KAZN: variants seen among roughly 807,000 people sequenced by gnomAD.
KAZN encodes kazrin.
KAZN carries 40 observed loss-of-function variants against 87.4 expected under a neutral mutation model. That is an observed-to-expected ratio of 0.46 (90% CI 0.36 to 0.60). KAZN has a LOEUF of 0.60. KAZN is among the 20% of genes least tolerant of loss of function. The probability of loss-of-function intolerance (pLI) is 0.00; values close to 1 mark genes in which losing one functional copy is unlikely to be tolerated. For missense variants in KAZN, 898 were observed against 1,073.9 expected (o/e 0.84, Z 2.29); for synonymous variants, 466 against 458.3 (o/e 1.02, Z -0.22).
chr1:14,942,988 G>C (rs559466091), intron 1 of KAZN, among the ~76,000 whole-genome samples: 2 of 145,214 alleles, frequency 1.4e-5, no homozygotes, highest in Non-Finnish European at 3.0e-5. Flanking sequence ...CTGGATGTGA[G>C]CTGCGTGTGT....
chr1:14,616,548 G>A (rs1399533861), intron 1 of KAZN, among the ~76,000 whole-genome samples: 1 of 151,978 alleles, frequency 6.6e-6, no homozygotes, highest in Admixed American at 6.6e-5. Flanking sequence ...TCCAAGCAAT[G>A]TAAATAAAGG....
intron 2 of KAZN, among the ~76,000 whole-genome samples, chr1:14,419,681 T>G (rs1665208991): frequency 6.6e-6 from 1 of 152,160 alleles, no homozygotes; most frequent in South Asian, 2.1e-4. Flanking sequence ...TTCTGGTGGG[T>G]TTGTGATCTC....
At chr1:14,990,067 G>A (rs1235256601) in intron 2 of KAZN, among the ~76,000 whole-genome samples, 1 of 152,140 alleles carries the variant, frequency 6.6e-6, no homozygotes, top group Non-Finnish European at 1.5e-5. Flanking sequence ...TCAGTAACCT[G>A]CTCAAAGCCA....
At chr1:14,041,462 A>C (rs1188375327) in intron 1 of KAZN, among the ~76,000 whole-genome samples, 2 of 152,142 alleles carry the variant, frequency 1.3e-5, no homozygotes, top group African/African-American at 4.8e-5. Context: ...TGTATTCTCC[A>C]ATAGCTGTAT....
intron 1 of KAZN, among the ~76,000 whole-genome samples, chr1:14,868,939 G>T (rs1176929895): frequency 6.6e-6 from 1 of 152,168 alleles, no homozygotes; most frequent in African/African-American, 2.4e-5. Flanking sequence ...GGGTGCATCT[G>T]TTCTACTCGG....
At chr1:14,805,052 T>C (rs1481749679) in intron 1 of KAZN, among the ~76,000 whole-genome samples, 1 of 152,186 alleles carries the variant, frequency 6.6e-6, no homozygotes, top group Non-Finnish European at 1.5e-5. Context: ...CTCTGTAACA[T>C]GGGGAGAAAA....
chr1:14,424,326 C>G (rs549156465), intron 2 of KAZN, among the ~76,000 whole-genome samples: 1 of 152,308 alleles, frequency 6.6e-6, no homozygotes, highest in South Asian at 2.1e-4. Flanking sequence ...CTCAGATGAG[C>G]ACAGATGAGA....
At chr1:14,514,595 TTATATATATATATATATATATATATA>T (rs754845099) in intron 2 of KAZN, among the ~76,000 whole-genome samples, 4,432 of 66,238 alleles carry the variant, frequency 0.067, 302 homozygotes, top group East Asian at 0.13. Context: ...TTTTTATATT[TTATATATATATATATATATATATATA>T]TATATATATA....
At chr1:14,327,237 G>A (rs1165584581) in intron 2 of KAZN, among the ~76,000 whole-genome samples, 16 of 152,018 alleles carry the variant, frequency 1.1e-4, no homozygotes, top group Admixed American at 8.5e-4. Flanking sequence ...CAATGTCACC[G>A]TCACTGACTT....
chr1:14,357,250 T>A (rs554762920), intron 2 of KAZN, among the ~76,000 whole-genome samples: 1 of 152,266 alleles, frequency 6.6e-6, no homozygotes, highest in East Asian at 1.9e-4. Context: ...TAGGAATGCT[T>A]GTGATTTTTG....
intron 1 of KAZN, among the ~76,000 whole-genome samples, chr1:14,787,000 A>G (rs1398429925): frequency 6.6e-6 from 1 of 152,198 alleles, no homozygotes; most frequent in Non-Finnish European, 1.5e-5. Flanking sequence ...CCAACTCTTG[A>G]CACCAAACAT....
rs1162000006 is a variant in KAZN, at chr1:15,099,172, T to C, written c.1548-2371T>C. 6.6e-6 allele frequency among the ~76,000 whole-genome samples: 1 copy of C among 152,132 alleles called. No homozygotes were observed. The highest frequency in any genetic ancestry group is 1.5e-5 in the Non-Finnish European group (1 of 68,026). ...GGGTCCCAGTGGACCCAAGTGGTTC[T>C]GGGAGGCTGATGGGCAGAGGGAAGG... is the stretch of plus-strand genomic sequence containing the variant. On this transcript the variant is annotated intron_variant, in intron 10 of 14. Transcript: ENST00000376030. This position sits in a 1 kb window ranked among gnomAD's most constrained non-coding sequence, Gnocchi z 5.4.
chr1:14,020,334 T>G (rs960405447), intron 1 of KAZN, among the ~76,000 whole-genome samples: 1 of 152,182 alleles, frequency 6.6e-6, no homozygotes, highest in African/African-American at 2.4e-5. Context: ...TATAGGACAC[T>G]AATCAGCTTG....
intron 2 of KAZN, among the ~76,000 whole-genome samples, chr1:14,205,906 A>AAAAAAAAAAAAAAAAAAAAAAAACAAAAC (rs1646733020): frequency 2.0e-5 from 1 of 50,522 alleles, no homozygotes; most frequent in Admixed American, 2.7e-4. Flanking sequence ...AAAAAAAAAA[A>AAAAAAAAAAAAAAAAAAAAAAAACAAAAC]GCTACCTAAT....
chr1:14,239,949 C>T (rs1432219320), intron 2 of KAZN, among the ~76,000 whole-genome samples: 1 of 152,124 alleles, frequency 6.6e-6, no homozygotes, highest in African/African-American at 2.4e-5. Context: ...CTTGCCTCAA[C>T]AAAGATGTAC....
At chr1:14,936,525 C>T (rs1207537917) in intron 1 of KAZN, among the ~76,000 whole-genome samples, 1 of 152,108 alleles carries the variant, frequency 6.6e-6, no homozygotes, top group African/African-American at 2.4e-5. Context: ...CTGTGCCAGC[C>T]ATACTCGGCT....
intron 1 of KAZN, among the ~76,000 whole-genome samples, chr1:14,868,105 AGGCATTGCATACACG>A (rs1350011193): frequency 1.4e-5 from 2 of 143,754 alleles, no homozygotes; most frequent in Non-Finnish European, 3.1e-5. Flanking sequence ...TCACATACAC[AGGCATTGCATACACG>A]GGCATCACAT....
intron 2 of KAZN, among the ~76,000 whole-genome samples, chr1:14,377,299 G>A (rs1322686127): frequency 6.6e-6 from 1 of 152,194 alleles, no homozygotes; most frequent in East Asian, 1.9e-4. Context: ...GTCTGTTCCA[G>A]AGATGACAAA....
intron 1 of KAZN, among the ~76,000 whole-genome samples, chr1:14,912,551 T>C (rs900252086): frequency 3.3e-5 from 5 of 152,294 alleles, no homozygotes; most frequent in Middle Eastern, 3.4e-3. Context: ...CAGCTAATTT[T>C]CATATTTTTT....
Sources: gnomAD v4.1 joint callset for allele counts (sites outside exome capture counted in the v4.1 genomes callset) on GRCh38, gnomAD v4.1.1 for gene constraint, Gnocchi (gnomAD v3.1) non-coding constraint, MANE v1.5 for transcripts, NCBI Gene and HGNC (gene_info 2026-07-23, HGNC 2026-07-21) for gene names.